Variants in KCNN2 observed in about 807,000 individuals in gnomAD.
The protein encoded by KCNN2 is potassium calcium-activated channel subfamily N member 2, also known as small conductance calcium-activated potassium channel protein 2.
KCNN2 carries 24 observed loss-of-function variants against 55.5 expected under a neutral mutation model. That is an observed-to-expected ratio of 0.43 (90% CI 0.31 to 0.61). The LOEUF (loss-of-function observed/expected upper bound fraction) is 0.61, where lower values mean the gene tolerates loss of function less well. Ranked by LOEUF, KCNN2 falls within the 20% of genes least tolerant of loss-of-function variation. KCNN2 has a pLI of 0.08. For missense variants in KCNN2, 754 were observed against 853.6 expected, an observed-to-expected ratio of 0.88 and a Z score of 1.45; for synonymous variants, 431 against 336.1, an observed-to-expected ratio of 1.28 and a Z score of -3.09.
intron 6 of KCNN2, 132 bp from the exon 7 acceptor site, chr5:114,493,271 G>GACTT (rs373027894): frequency 6.9e-5 from 51 of 739,348 alleles, no homozygotes; most frequent in African/African-American, 6.7e-4. Flanking sequence ...AACCAGTTTG[G>GACTT]ACTTACCCCA....
At chr5:114,413,407 C>T (rs1050238418) in intron 3 of KCNN2, among the ~76,000 whole-genome samples, 11 of 152,166 alleles carry the variant, frequency 7.2e-5, no homozygotes, top group African/African-American at 2.7e-4. Flanking sequence ...GCCTCAGCCT[C>T]CCAAGTAGCT....
chr5:114,405,878 T>G (rs991116593), intron 3 of KCNN2, among the ~76,000 whole-genome samples: 4 of 151,836 alleles, frequency 2.6e-5, no homozygotes, highest in Non-Finnish European at 5.9e-5. Context: ...ACCTGGCTAA[T>G]TTTTTGTATT....
chr5:114,195,174 G>T (rs946689649), intron 1 of KCNN2, among the ~76,000 whole-genome samples: 6 of 151,452 alleles, frequency 4.0e-5, no homozygotes, highest in African/African-American at 1.5e-4. Context: ...GCTCTTCACA[G>T]TTGCATTTAC....
chr5:114,284,808 G>A (rs1022166305), intron 2 of KCNN2, among the ~76,000 whole-genome samples: 6 of 151,692 alleles, frequency 4.0e-5, no homozygotes, highest in Admixed American at 6.6e-5. Context: ...GTCAGCCACC[G>A]CGCCTAGCCG....
intron 2 of KCNN2, among the ~76,000 whole-genome samples, chr5:114,285,917 CTT>C (rs5870595): frequency 0.41 from 55,349 of 134,810 alleles, 10,927 homozygotes; most frequent in East Asian, 0.8. Context: ...ATTTGGGAAG[CTT>C]TTTTTTTTTT....
chr5:114,376,746 G>GTGTA (rs1757960126), intron 2 of KCNN2, among the ~76,000 whole-genome samples: 1 of 152,148 alleles, frequency 6.6e-6, no homozygotes, highest in African/African-American at 2.4e-5. Context: ...AGTGTTACAA[G>GTGTA]TGTACTTTTC....
intron 2 of KCNN2, among the ~76,000 whole-genome samples, chr5:114,403,016 G>T (rs1478924521): frequency 6.6e-5 from 10 of 152,198 alleles, no homozygotes; most frequent in Admixed American, 6.5e-4. Flanking sequence ...GAGAATGGAA[G>T]GAGGGCCAGT....
chr5:114,496,057 T>G lies in KCNN2; in HGVS notation c.2251T>G (p.Phe751Val), dbSNP rs1453713222. The G allele has an allele frequency of 6.2e-7, 1 of 1,613,810 alleles. No homozygotes were observed. The highest frequency in any genetic ancestry group is 8.5e-7 in the Non-Finnish European group (1 of 1,179,966). ...SQTIRQQQRDFIEAQMESYDK... is the reference protein window; with the variant it reads ...SQTIRQQQRDVIEAQMESYDK... ...GACCATCAGGCAGCAGCAGAGAGATTTCATTGAGGCTCAGATGGAGAGCTA... is the reference window on the plus strand; with the variant it reads ...GACCATCAGGCAGCAGCAGAGAGATGTCATTGAGGCTCAGATGGAGAGCTA... Residue 751 changes from phenylalanine (F) to valine (V), a missense_variant, in exon 8 of 8, where the codon TTC (phenylalanine) becomes GTC (valine). Physicochemically the swap from Phe to Val is conservative, Grantham distance 50. Transcript: ENST00000673685.
chr5:114,321,027 CT>C (rs1756604430), intron 2 of KCNN2, among the ~76,000 whole-genome samples: 1 of 152,186 alleles, frequency 6.6e-6, no homozygotes, highest in Admixed American at 6.5e-5. Flanking sequence ...CCTGCTGTCC[CT>C]GTGGGTAGAA....
intron 1 of KCNN2, among the ~76,000 whole-genome samples, chr5:114,089,265 C>T (rs1020943241): frequency 5.3e-5 from 8 of 152,160 alleles, no homozygotes; most frequent in Admixed American, 1.3e-4. Flanking sequence ...ACTTTTGAGA[C>T]TTAAGCTTTG....
chr5:114,453,166 G>A (rs1760768529), intron 3 of KCNN2, among the ~76,000 whole-genome samples: 1 of 152,164 alleles, frequency 6.6e-6, no homozygotes, highest in Non-Finnish European at 1.5e-5. Flanking sequence ...CACTGAGGGA[G>A]TCACTCTGTG....
intron 1 of KCNN2, among the ~76,000 whole-genome samples, chr5:114,139,754 T>C (rs1752239351): frequency 6.6e-6 from 1 of 151,892 alleles, no homozygotes; most frequent in South Asian, 2.1e-4. Flanking sequence ...TACATACTGA[T>C]CAACCAGACA....
intron 1 of KCNN2, among the ~76,000 whole-genome samples, chr5:114,180,015 A>T (rs879572452): frequency 2.0e-5 from 3 of 152,246 alleles, no homozygotes; most frequent in Non-Finnish European, 4.4e-5. Flanking sequence ...AAAATTGAAC[A>T]TGACTTCTAT....
chr5:114,477,279 A>C (rs1043810254), intron 5 of KCNN2, among the ~76,000 whole-genome samples: 33 of 152,214 alleles, frequency 2.2e-4, no homozygotes, highest in Non-Finnish European at 2.6e-4. Flanking sequence ...TAACATTCCA[A>C]GTCTTCCAGT....
intron 1 of KCNN2, among the ~76,000 whole-genome samples, chr5:114,198,388 A>G (rs1297364158): frequency 6.7e-6 from 1 of 150,024 alleles, no homozygotes; most frequent in Non-Finnish European, 1.5e-5. Flanking sequence ...ATACATATAT[A>G]TGTGTATGTG....
At chr5:114,246,104 A>G (rs1038267009) in intron 2 of KCNN2, among the ~76,000 whole-genome samples, 9 of 152,140 alleles carry the variant, frequency 5.9e-5, no homozygotes, top group African/African-American at 1.9e-4. Context: ...TGTTAGGTGA[A>G]TTGTCCCTGA....
At chr5:114,401,680 G>A (rs1044599274) in intron 2 of KCNN2, among the ~76,000 whole-genome samples, 2 of 152,220 alleles carry the variant, frequency 1.3e-5, no homozygotes, top group African/African-American at 2.4e-5. Flanking sequence ...TAGAGGAGCT[G>A]ACGTGGAGTT....
At chr5:114,143,518 G>T (rs1405574345) in intron 1 of KCNN2, among the ~76,000 whole-genome samples, 1 of 152,144 alleles carries the variant, frequency 6.6e-6, no homozygotes, top group Non-Finnish European at 1.5e-5. Context: ...TTATAGCCCT[G>T]TCTTATCCCT....
chr5:114,389,371 T>A (rs890633317), intron 2 of KCNN2, among the ~76,000 whole-genome samples: 2 of 152,162 alleles, frequency 1.3e-5, no homozygotes, highest in Non-Finnish European at 2.9e-5. Flanking sequence ...GTATGCTTAT[T>A]ATGGACACAG....
Sources: allele counts gnomAD v4.1 joint callset (sites outside exome capture counted in the v4.1 genomes callset), GRCh38; gene constraint gnomAD v4.1.1; transcripts MANE v1.5; gene names NCBI Gene and HGNC (gene_info 2026-07-23, HGNC 2026-07-21).